GRM7: variants seen among roughly 807,000 people sequenced by gnomAD.
GRM7 encodes metabotropic glutamate receptor 7.
Under a neutral mutation model 84.5 loss-of-function variants are expected in GRM7, and 35 were observed. That is an observed-to-expected ratio of 0.41 (90% CI 0.32 to 0.55). The LOEUF is 0.55. Ranked by LOEUF, GRM7 falls within the 20% of genes least tolerant of loss-of-function variation. GRM7 has a pLI of 0.19. For missense variants in GRM7, 1,003 were observed against 1,194.6 expected (o/e 0.84, Z 2.36); for synonymous variants, 487 against 455.1 (o/e 1.07, Z -0.89).
At chr3:7,046,935 A>G (rs1362595129) in intron 1 of GRM7, among the ~76,000 whole-genome samples, 1 of 152,068 alleles carries the variant, frequency 6.6e-6, no homozygotes, top group Non-Finnish European at 1.5e-5. Flanking sequence ...GCTGTACATG[A>G]ATAAAGAGTA....
chr3:7,284,409 A>C (rs1159337608), intron 2 of GRM7, among the ~76,000 whole-genome samples: 2 of 152,142 alleles, frequency 1.3e-5, no homozygotes, highest in African/African-American at 2.4e-5. Context: ...ACAGAATATC[A>C]CATAATGAAT....
intron 2 of GRM7, among the ~76,000 whole-genome samples, chr3:7,191,380 A>G (rs1013891086): frequency 6.6e-6 from 1 of 152,100 alleles, no homozygotes. Context: ...TTAATGAATT[A>G]AGACATCACC....
intron 7 of GRM7, among the ~76,000 whole-genome samples, chr3:7,551,698 A>T (rs2125026421): frequency 6.6e-6 from 1 of 152,026 alleles, no homozygotes; most frequent in East Asian, 1.9e-4. Flanking sequence ...ATAAATATCA[A>T]TTTTTCTTAT....
intron 2 of GRM7, among the ~76,000 whole-genome samples, chr3:7,177,210 G>A (rs1176473362): frequency 1.3e-5 from 2 of 151,988 alleles, no homozygotes; most frequent in African/African-American, 2.4e-5. Context: ...AAAATGCATA[G>A]CCTTTAAGGC....
chr3:7,666,535 C>T (rs1435332086), intron 8 of GRM7, among the ~76,000 whole-genome samples: 2 of 152,142 alleles, frequency 1.3e-5, no homozygotes, highest in Non-Finnish European at 2.9e-5. Flanking sequence ...GTGGCGAAAC[C>T]AGTTGAGATG....
intron 9 of GRM7, chr3:7,681,690 C>T (rs997504095): frequency 1.3e-5 from 2 of 152,178 alleles, no homozygotes; most frequent in African/African-American, 4.8e-5. Flanking sequence ...TGGATGGTGA[C>T]TTGCTGTGGC....
intron 1 of GRM7, among the ~76,000 whole-genome samples, chr3:6,867,028 G>A (rs1694960091): frequency 6.6e-6 from 1 of 152,158 alleles, no homozygotes; most frequent in Non-Finnish European, 1.5e-5. Context: ...ATGTGAGTAG[G>A]GCTGAGTGGT....
chr3:7,316,938 T>C (rs1700603228), intron 4 of GRM7, among the ~76,000 whole-genome samples: 1 of 152,178 alleles, frequency 6.6e-6, no homozygotes, highest in Non-Finnish European at 1.5e-5. Flanking sequence ...TAGAATATTC[T>C]GTCATCACGA....
chr3:6,894,551 A>G (rs1199871856), intron 1 of GRM7, among the ~76,000 whole-genome samples: 1 of 152,086 alleles, frequency 6.6e-6, no homozygotes, highest in Non-Finnish European at 1.5e-5. Flanking sequence ...ATACATCTCT[A>G]TAGGTGTATA....
At position 6,863,408 on chromosome 3, in the gene GRM7, G is replaced by A. The variant is rs1170813695; in HGVS notation, c.519+1501G>A. ...CAGAAGGGGACTCTGTGAGACCCAG[G>A]CTGTCATCACATCACCTCCAGGAGT... On this transcript the variant is annotated intron_variant, in intron 1 of 9. Transcript: ENST00000357716. The surrounding 1 kb of genome is among the most constrained non-coding windows in gnomAD (Gnocchi z 4.8). Among the ~76,000 whole-genome samples the A allele has an allele frequency of 6.6e-6, 1 of 152,112 alleles. No homozygotes were observed. The highest frequency in any genetic ancestry group is 1.9e-4 in the East Asian group (1 of 5,174).
At chr3:7,568,388 A>C (rs984993397) in intron 7 of GRM7, among the ~76,000 whole-genome samples, 1 of 152,230 alleles carries the variant, frequency 6.6e-6, no homozygotes, top group African/African-American at 2.4e-5. Context: ...CAAAAGGTGA[A>C]AGGCAAGGAA....
chr3:7,215,437 G>A (rs1696569804), intron 2 of GRM7, among the ~76,000 whole-genome samples: 1 of 151,890 alleles, frequency 6.6e-6, no homozygotes, highest in South Asian at 2.1e-4. Context: ...GGCGGAGGAG[G>A]GTGCATCACG....
intron 1 of GRM7, among the ~76,000 whole-genome samples, chr3:6,958,689 C>A (rs1693170219): frequency 1.3e-5 from 2 of 152,114 alleles, no homozygotes; most frequent in South Asian, 4.1e-4. Flanking sequence ...TACAAAAAAA[C>A]TTTCCTAAGA....
intron 1 of GRM7, among the ~76,000 whole-genome samples, chr3:7,051,370 C>T (rs1696993350): frequency 6.6e-6 from 1 of 151,600 alleles, no homozygotes; most frequent in South Asian, 2.1e-4. Context: ...CTCAACTGGG[C>T]AGGACAGCAG....
chr3:7,520,454 C>G (rs952769985), intron 7 of GRM7, among the ~76,000 whole-genome samples: 1 of 151,954 alleles, frequency 6.6e-6, no homozygotes, highest in African/African-American at 2.4e-5. Flanking sequence ...ATTTAATTCT[C>G]CTATATTCTG....
intron 8 of GRM7, among the ~76,000 whole-genome samples, chr3:7,615,470 C>T (rs139450279): frequency 1.0e-3 from 155 of 152,028 alleles, no homozygotes; most frequent in African/African-American, 3.5e-3. Flanking sequence ...AATTTGTTGC[C>T]GTTTCTTTTT....
At chr3:7,525,352 C>G (rs1352194657) in intron 7 of GRM7, among the ~76,000 whole-genome samples, 7 of 152,012 alleles carry the variant, frequency 4.6e-5, no homozygotes, top group Non-Finnish European at 1.0e-4. Context: ...CCCAGGTGAA[C>G]TGAATCCAAA....
chr3:7,029,389 G>A (rs73112809), intron 1 of GRM7, among the ~76,000 whole-genome samples: 2,120 of 152,022 alleles, frequency 0.014, 57 homozygotes, highest in African/African-American at 0.049. Context: ...ATAATTGGCG[G>A]CAGGGACTCA....
At chr3:7,153,057 G>A (rs754280248) in intron 2 of GRM7, among the ~76,000 whole-genome samples, 3 of 151,950 alleles carry the variant, frequency 2.0e-5, no homozygotes, top group African/African-American at 2.4e-5. Context: ...AGCATCAGCT[G>A]GGTGCAGTAG....
Sources: gnomAD v4.1 joint callset for allele counts (sites outside exome capture counted in the v4.1 genomes callset) on GRCh38, gnomAD v4.1.1 for gene constraint, Gnocchi (gnomAD v3.1) non-coding constraint, MANE v1.5 for transcripts, NCBI Gene and HGNC (gene_info 2026-07-23, HGNC 2026-07-21) for gene names.